NUP205: variants seen among roughly 807,000 people sequenced by gnomAD.
NUP205 encodes the protein nucleoporin 205, also known as nuclear pore complex protein Nup205.
NUP205 carries 76 observed loss-of-function variants against 253.8 expected under a neutral mutation model. That is an observed-to-expected ratio of 0.30 (90% CI 0.25 to 0.36). NUP205 has a LOEUF of 0.36. Ranked by LOEUF, NUP205 falls within the 10% of genes least tolerant of loss-of-function variation. The pLI is 1.00. For missense variants in NUP205, 2,162 were observed against 2,425.5 expected (o/e 0.89, Z 2.28); for synonymous variants, 832 against 850.1 (o/e 0.98, Z 0.37).
chr7:135,595,029 G>A (rs12531605), intron 13 of NUP205, among the ~76,000 whole-genome samples: 1 of 152,178 alleles, frequency 6.6e-6, no homozygotes, highest in African/African-American at 2.4e-5. Context: ...TGTCCACTCT[G>A]TCTTTAAACC....
chr7:135,608,022 G>A (rs1018302041), intron 22 of NUP205, among the ~76,000 whole-genome samples: 1 of 97,826 alleles, frequency 1.0e-5, no homozygotes, highest in African/African-American at 4.0e-5. Flanking sequence ...GGCTGGGAAA[G>A]CACTTTTTTT....
chr7:135,597,660 A>G, intron 14 of NUP205: 1 of 448,408 alleles, frequency 2.2e-6, no homozygotes, highest in Non-Finnish European at 3.9e-6. Context: ...AAAATTCTTG[A>G]TTTTAACTCA....
At chr7:135,601,532 C>CT in intron 17 of NUP205, 25 bp downstream of exon 17, 1 of 1,596,628 alleles carries the variant, frequency 6.3e-7, no homozygotes, top group Non-Finnish European at 8.5e-7. Context: ...GCCTTCATGT[C>CT]TTGCAAACAG....
In NUP205 at chr7:135,587,878, C is replaced by A; in HGVS notation, c.1359C>A (p.Asn453Lys). The change falls in exon 10 of 43, where the codon AAC (asparagine) becomes AAA (lysine). Residue 453 changes from asparagine to lysine, a missense_variant. Asn to Lys is a moderately conservative substitution (Grantham distance 94). Transcript: ENST00000285968. ...AGATTGGCGAGCTATATAAAAAGAACCCTTTTCATCTGGAGCTTGCTCTAG... is the reference window on the plus strand; with the variant it reads ...AGATTGGCGAGCTATATAAAAAGAAACCTTTTCATCTGGAGCTTGCTCTAG... ...MLLIGELYKK[N>K]PFHLELALEY... 6.2e-7 allele frequency: 1 copy of A among 1,613,272 alleles called. No individual in the cohort carries two copies. Among genetic ancestry groups the A allele is most frequent in the Non-Finnish European group, 8.5e-7 (1 of 1,179,630 alleles).
chr7:135,645,660 C>T, intron 41 of NUP205, 64 bp downstream of exon 41: 1 of 1,516,548 alleles, frequency 6.6e-7, no homozygotes, highest in East Asian at 2.3e-5. Context: ...AAGCTAGTAC[C>T]AGTTTTTTTT....
At chr7:135,644,844 A>C (rs759054926) in intron 39 of NUP205, 51 bp from the exon 40 acceptor site, 6 of 1,585,926 alleles carry the variant, frequency 3.8e-6, no homozygotes, top group Non-Finnish European at 5.2e-6. Context: ...TTTTTCATTA[A>C]AAATTTCATT....
chr7:135,638,099 G>A (rs758349933), intron 37 of NUP205, 40 bp downstream of exon 37: 1 of 1,593,302 alleles, frequency 6.3e-7, no homozygotes, highest in South Asian at 1.1e-5. Flanking sequence ...TTATGTTTTT[G>A]GAAAATGTTG....
In NUP205 at chr7:135,606,199, G is replaced by A. The variant is rs1794082328; in HGVS notation, c.2878G>A (p.Ala960Thr). Residue 960 changes from alanine to threonine, a missense_variant, in exon 20 of 43, where the codon GCA becomes ACA. Physicochemically the swap from Ala to Thr is moderately conservative, Grantham distance 58 (BLOSUM62 0). This residue lies in a region of NUP205 where 1,144 missense variants were observed against 1,280.9 expected (regional missense o/e 0.89). Transcript: ENST00000285968. ...TGTGGAGTGTTTGGATTGTGAAGAT[G>A]CAGAAGAATTTGTACGTCTGGAAGA... The part of the protein sequence containing the change: ...GFVECLDCED[A>T]EEFVRLEEGS... 7 of 1,612,572 alleles carry A rather than the reference G, an allele frequency of 4.3e-6. No individual in the cohort carries two copies. The South Asian group carries it at 7.7e-5, about 18-fold the overall frequency.
At chr7:135,576,701 A>G (rs768852183) in intron 4 of NUP205, among the ~76,000 whole-genome samples, 4 of 152,094 alleles carry the variant, frequency 2.6e-5, no homozygotes, top group Non-Finnish European at 4.4e-5. Flanking sequence ...GGGCAACATG[A>G]TGAAATCCCA....
At chr7:135,571,858 A>G (rs1202686543) in intron 2 of NUP205, among the ~76,000 whole-genome samples, 2 of 152,132 alleles carry the variant, frequency 1.3e-5, no homozygotes, top group African/African-American at 2.4e-5. Context: ...CAGTGATTCA[A>G]TGATTTTCTT....
At position 135,584,918 on chromosome 7, in the gene NUP205, G is replaced by T; in HGVS notation, c.1129G>T (p.Val377Leu). 6.2e-7 allele frequency: 1 copy of T among 1,613,748 alleles called. No homozygotes were observed. The highest frequency in any genetic ancestry group is 8.5e-7 in the Non-Finnish European group (1 of 1,179,648). ...TTTCCTGTTCCTCATGGAATCTGTA[G>T]TGGTATCAGAATACTTTTATCAGGA... Reference protein sequence around the residue: ...NVFLFLMESVVVSEYFYQEEF... With the variant: ...NVFLFLMESVLVSEYFYQEEF... Residue 377 changes from valine to leucine, a missense_variant, in exon 8 of 43, where the codon GTG becomes TTG. Physicochemically the swap from Val to Leu is conservative, Grantham distance 32. This residue lies in a region of NUP205 where 892 missense variants were observed against 957.1 expected (regional missense o/e 0.93). Transcript: ENST00000285968.
At position 135,571,140 on chromosome 7, in the gene NUP205, C is replaced by A; in HGVS notation, c.64C>A (p.His22Asn). The change falls in exon 2 of 43, where the codon CAT (histidine) becomes AAT (asparagine). Residue 22 changes from histidine to asparagine, a missense_variant. By Grantham distance (68) the His-to-Asn change is moderately conservative (BLOSUM62 1). Coordinates refer to ENST00000285968, the MANE Select transcript of NUP205 (RefSeq NM_015135.3). ...SLWGPYKDIW[H>N]KVGNALWRRQ... ...ATGGGGTCCTTACAAAGACATTTGG[C>A]ATAAAGTGGGAAATGCTCTTTGGAG... is the stretch of plus-strand genomic sequence containing the variant. 1 of 1,548,204 alleles carries A rather than the reference C, an allele frequency of 6.5e-7. No individual in the cohort carries two copies. Among genetic ancestry groups the A allele is most frequent in the South Asian group, 1.2e-5 (1 of 83,104 alleles).
chr7:135,607,269 A>G lies in NUP205; in HGVS notation c.3093A>G (p.Thr1031=), dbSNP rs764598591. 6 of 1,614,120 alleles carry G rather than the reference A, an allele frequency of 3.7e-6. No individual in the cohort carries two copies. The highest frequency in any genetic ancestry group is 5.1e-6 in the Non-Finnish European group (6 of 1,179,976). ...CAGGAGTGTTAGGTTGCCCTCGGAC[A>G]TGCCTTCACGCCATTCTAAACATCT... ...QDPGVLGCPR[T]CLHAILNILE... is the part of the protein sequence containing the mutation. The change falls in exon 22 of 43, where the codon ACA becomes ACG. Residue 1031 remains threonine, a synonymous_variant. Coordinates refer to ENST00000285968, the MANE Select transcript of NUP205 (RefSeq NM_015135.3).
At position 135,628,051 on chromosome 7, in the gene NUP205, C is replaced by G. The variant is rs772963798; in HGVS notation, c.4872C>G (p.Leu1624=). The G allele has an allele frequency of 1.9e-6, 3 of 1,610,988 alleles. No homozygotes were observed. The East Asian group carries it at 6.7e-5, about 36-fold the overall frequency. ...ACCGCCAGATTCTCCTCCCAGCTCT[C>G]CAGCTGTGCCAGGTCATCCTCACAT... ...DRYRQILLPA[L]QLCQVILTSS... is the part of the protein sequence containing the mutation. Residue 1624 remains leucine (L), a synonymous_variant, in exon 34 of 43, where the codon CTC becomes CTG. Coordinates refer to ENST00000285968, the MANE Select transcript of NUP205 (RefSeq NM_015135.3).
In NUP205 at chr7:135,619,859, G is replaced by A; in HGVS notation, c.4301G>A (p.Arg1434Lys). Residue 1434 changes from arginine (R) to lysine (K), a missense_variant, in exon 30 of 43, where the codon AGA becomes AAA. Physicochemically the swap from Arg to Lys is conservative, Grantham distance 26. Transcript: ENST00000285968. ...CTTTATTACTTACAGATTGCCCAGA[G>A]ACCTGATGAACCAGACACCTTAGAA... ...SLLYYLQIAQRPDEPDTLEAA... is the reference protein window; with the variant it reads ...SLLYYLQIAQKPDEPDTLEAA... 1 of 1,613,208 alleles carries A rather than the reference G, an allele frequency of 6.2e-7. No homozygotes were observed. Among genetic ancestry groups the A allele is most frequent in the Non-Finnish European group, 8.5e-7 (1 of 1,179,460 alleles).
At chr7:135,625,382 A>C (rs750556748) in intron 32 of NUP205, 27 bp downstream of exon 32, 1 of 1,519,590 alleles carries the variant, frequency 6.6e-7, no homozygotes, top group Admixed American at 2.3e-5. Flanking sequence ...ATTTGATGTT[A>C]GATCAAGAAG....
At chr7:135,607,198 A>G (rs1314823734) in intron 21 of NUP205, 49 bp from the exon 22 acceptor site, 2 of 1,599,764 alleles carry the variant, frequency 1.3e-6, no homozygotes, top group Non-Finnish European at 1.7e-6. Context: ...TAAGATTTTA[A>G]TGCAGCAATT....
intron 22 of NUP205, among the ~76,000 whole-genome samples, chr7:135,608,316 G>A (rs982881622): frequency 3.9e-5 from 6 of 152,036 alleles, no homozygotes; most frequent in Admixed American, 6.6e-5. Context: ...GAGCCACCGC[G>A]CCTGGCCAGA....
Position 135,588,516 on chromosome 7 carries a change from A to G in NUP205, c.1473+524A>G, listed in dbSNP as rs544798997. The stretch of plus-strand genomic sequence containing the variant: ...TGTTGATTTTGAAGTTAATGTAGTC[A>G]ATCCTTTATTGGATACTAGATATGT... On this transcript the variant is annotated intron_variant, in intron 10 of 42. Transcript: ENST00000285968. Among the ~76,000 whole-genome samples, 20 of 151,082 alleles carry G rather than the reference A, an allele frequency of 1.3e-4. No individual in the cohort carries two copies. In the East Asian group the frequency reaches 3.5e-3, roughly 26 times the overall value.
Sources: allele counts gnomAD v4.1 joint callset (sites outside exome capture counted in the v4.1 genomes callset), GRCh38; gene constraint gnomAD v4.1.1; regional missense constraint gnomAD v4.1.1; transcripts MANE v1.5; gene names NCBI Gene and HGNC (gene_info 2026-07-23, HGNC 2026-07-21).